ADAM10: variants seen among roughly 807,000 people sequenced by gnomAD.
The protein encoded by ADAM10 is ADAM metallopeptidase domain 10.
Under a neutral mutation model 90.1 loss-of-function variants are expected in ADAM10, and 17 were observed. The ratio of observed to expected loss-of-function variants is 0.19; its 90% CI spans 0.13 to 0.28. ADAM10 has a LOEUF of 0.28. Ranked by LOEUF, ADAM10 falls within the 10% of genes least tolerant of loss-of-function variation. ADAM10 has a pLI of 1.00. For missense variants in ADAM10, 610 were observed against 914.3 expected, an observed-to-expected ratio of 0.67 and a Z score of 4.29; for synonymous variants, 310 against 298.6, an observed-to-expected ratio of 1.04 and a Z score of -0.40.
At chr15:58,714,286 T>TAC (rs1249808977) in intron 2 of ADAM10, among the ~76,000 whole-genome samples, 10 of 75,734 alleles carry the variant, frequency 1.3e-4, no homozygotes, top group African/African-American at 1.9e-4. Flanking sequence ...TACTTATACA[T>TAC]ACACATACAC....
chr15:58,743,302 T>C (rs1899674854), intron 1 of ADAM10, among the ~76,000 whole-genome samples: 1 of 152,172 alleles, frequency 6.6e-6, no homozygotes, highest in African/African-American at 2.4e-5. Flanking sequence ...AACTTTGTGT[T>C]GGCAGCAGTG....
In ADAM10 at chr15:58,594,614, A is replaced by G. The variant is rs1233648121; in HGVS notation, c.*2933T>C. On this transcript the variant is annotated 3_prime_UTR_variant, in exon 16 of 16. Coordinates refer to ENST00000260408, the MANE Select transcript of ADAM10 (RefSeq NM_001110.4). ...CACTACAGGGAATGCTAAATCCAGAAGCAGTCAATAAATTTATTTTATTTC... is the reference window on the plus strand; with the variant it reads ...CACTACAGGGAATGCTAAATCCAGAGGCAGTCAATAAATTTATTTTATTTC... The G allele has an allele frequency of 6.6e-6, 1 of 152,236 alleles. No individual in the cohort carries two copies. Among genetic ancestry groups the G allele is most frequent in the Non-Finnish European group, 1.5e-5 (1 of 68,042 alleles). 9.4% of individuals were successfully genotyped at this position (152,236 alleles called of 1,614,324 possible).
chr15:58,683,481 A>C (rs1382469425), intron 2 of ADAM10, among the ~76,000 whole-genome samples: 1 of 152,226 alleles, frequency 6.6e-6, no homozygotes, highest in Non-Finnish European at 1.5e-5. Context: ...CTTTGATACA[A>C]GAATTCCATT....
chr15:58,605,640 T>C (rs1377048354), intron 14 of ADAM10, among the ~76,000 whole-genome samples: 3 of 152,134 alleles, frequency 2.0e-5, no homozygotes, highest in South Asian at 4.1e-4. Flanking sequence ...TCAATGAACA[T>C]TTACTGAGCG....
chr15:58,692,271 C>A, intron 2 of ADAM10: 1 of 605,706 alleles, frequency 1.7e-6, no homozygotes, highest in South Asian at 1.4e-5. Flanking sequence ...AGTGGTCTTC[C>A]CAGGCACTGG....
intron 2 of ADAM10, chr15:58,692,969 GGAT>G (rs750841825): frequency 5.4e-6 from 4 of 746,946 alleles, no homozygotes; most frequent in Non-Finnish European, 9.8e-6. Context: ...CGAGGGTTGG[GGAT>G]GATGTCAATT....
intron 2 of ADAM10, among the ~76,000 whole-genome samples, chr15:58,704,988 C>G (rs1212897239): frequency 2.0e-5 from 3 of 152,060 alleles, no homozygotes; most frequent in African/African-American, 7.2e-5. Context: ...TCATTAGTCT[C>G]CAGCAAGTCT....
chr15:58,619,588 T>C (rs1895719908), intron 11 of ADAM10, among the ~76,000 whole-genome samples: 1 of 152,160 alleles, frequency 6.6e-6, no homozygotes, highest in African/African-American at 2.4e-5. Context: ...CATAAATATG[T>C]ACAATCATTA....
rs1419749396 is a variant in ADAM10 at position 58,657,703 on chromosome 15, CTTAT to C, written c.585+7390_585+7393del. ...ATTCTCCAGGATTTGTCCCCAGTGC[CTTAT>C]TTAGTTTCTTTGGTGAAGTCATGTT... On this transcript the variant is annotated intron_variant, in intron 5 of 15. Coordinates refer to ENST00000260408, the MANE Select transcript of ADAM10 (RefSeq NM_001110.4). 3.5e-4 allele frequency among the ~76,000 whole-genome samples: 53 copies of C among 152,230 alleles called. 1 individual carries two copies. Among genetic ancestry groups the C allele is most frequent in the Admixed American group, 2.7e-3 (42 of 15,300 alleles).
At chr15:58,720,546 C>A (rs1191597761) in intron 1 of ADAM10, among the ~76,000 whole-genome samples, 2 of 151,794 alleles carry the variant, frequency 1.3e-5, no homozygotes, top group African/African-American at 4.8e-5. Context: ...AGACTACAGG[C>A]ACCTGCCACC....
chr15:58,716,709 T>C (rs777549489), intron 2 of ADAM10, among the ~76,000 whole-genome samples: 1 of 152,326 alleles, frequency 6.6e-6, no homozygotes, highest in Admixed American at 6.5e-5. Context: ...AGTCATCTCA[T>C]AGCAGTAGAA....
At chr15:58,650,933 A>C (rs1367230933) in intron 5 of ADAM10, among the ~76,000 whole-genome samples, 1 of 152,044 alleles carries the variant, frequency 6.6e-6, no homozygotes, top group South Asian at 2.1e-4. Context: ...CTTCACTTTA[A>C]GGTGTCTTTT....
At chr15:58,676,924 C>A (rs138027045) in intron 4 of ADAM10, among the ~76,000 whole-genome samples, 8 of 152,276 alleles carry the variant, frequency 5.3e-5, no homozygotes, top group African/African-American at 1.4e-4. Context: ...AGCTGAGTAG[C>A]TGCAATAAAA....
intron 1 of ADAM10, among the ~76,000 whole-genome samples, chr15:58,729,916 C>A (rs1185900835): frequency 2.0e-5 from 3 of 149,862 alleles, no homozygotes; most frequent in African/African-American, 7.3e-5. Context: ...GAGCCAAGAC[C>A]GTGCCACTGT....
intron 5 of ADAM10, among the ~76,000 whole-genome samples, 184 bp downstream of exon 5, chr15:58,664,913 T>C (rs1271399247): frequency 1.3e-5 from 2 of 152,186 alleles, no homozygotes; most frequent in Non-Finnish European, 2.9e-5. Context: ...CATATATTTG[T>C]ATTCAAACCT....
chr15:58,660,763 T>A (rs2140722526), intron 5 of ADAM10, among the ~76,000 whole-genome samples: 1 of 152,366 alleles, frequency 6.6e-6, no homozygotes, highest in Non-Finnish European at 1.5e-5. Flanking sequence ...TTTTCAATGG[T>A]TGCTCCAAGG....
At position 58,597,449 on chromosome 15, in the gene ADAM10, G is replaced by A. The variant is rs776248693; in HGVS notation, c.*98C>T. On this transcript the variant is annotated 3_prime_UTR_variant, in exon 16 of 16. Coordinates refer to ENST00000260408, the MANE Select transcript of ADAM10 (RefSeq NM_001110.4). ...GCCATTTTTTCTTCAACTGTTACTTGTGAGGGTTTAGTTTGGAGATGATGA... is the reference window on the plus strand; with the variant it reads ...GCCATTTTTTCTTCAACTGTTACTTATGAGGGTTTAGTTTGGAGATGATGA... The A allele has an allele frequency of 5.6e-6, 9 of 1,594,704 alleles. No individual in the cohort carries two copies. Among genetic ancestry groups the A allele is most frequent in the Non-Finnish European group, 6.8e-6 (8 of 1,169,506 alleles).
intron 5 of ADAM10, 60 bp downstream of exon 5, chr15:58,665,037 G>C: frequency 5.7e-6 from 7 of 1,222,266 alleles, no homozygotes; most frequent in South Asian, 1.2e-5. Flanking sequence ...TTTAAATGTA[G>C]ATATACATCC....
At chr15:58,727,176 CTTTTTTTTTTTTTT>C (rs779017607) in intron 1 of ADAM10, among the ~76,000 whole-genome samples, 1 of 78,008 alleles carries the variant, frequency 1.3e-5, no homozygotes, top group South Asian at 4.8e-4. Flanking sequence ...CCTGACTAAT[CTTTTTTTTTTTTTT>C]TTTTTTTTTT....
Sources: gnomAD v4.1 joint callset for allele counts (sites outside exome capture counted in the v4.1 genomes callset) on GRCh38, gnomAD v4.1.1 for gene constraint, MANE v1.5 for transcripts, NCBI Gene and HGNC (gene_info 2026-07-23, HGNC 2026-07-21) for gene names.